Variants in ANAPC10 observed in about 807,000 individuals in gnomAD.
The protein encoded by ANAPC10 is anaphase promoting complex subunit 10.
A neutral mutation model predicts 22.0 loss-of-function variants in ANAPC10; 12 were observed. The ratio of observed to expected loss-of-function variants is 0.55; its 90% confidence interval spans 0.35 to 0.88. The LOEUF is 0.88. ANAPC10 is among the 40% of genes least tolerant of loss of function. The pLI is 0.01. For missense variants in ANAPC10, 188 were observed against 220.9 expected (o/e 0.85, Z 0.94); for synonymous variants, 65 against 69.5 (o/e 0.94, Z 0.32).
At chr4:145,064,403 GAAC>G (rs1743370076) in intron 4 of ANAPC10, 166 bp downstream of exon 4, 1 of 442,472 alleles carries the variant, frequency 2.3e-6, no homozygotes, top group Non-Finnish European at 3.9e-6. Flanking sequence ...AAAATAAAGA[GAAC>G]AATCAGAATT....
rs145894020 is a variant in ANAPC10, at chr4:144,996,406, G to A, written c.328-803C>T. ...CTAGATACTGGAGATCTAGAGACAC[G>A]GCTGCTGCTGCTGTGCTGGTCTAAG... On this transcript the variant is annotated intron_variant, in intron 4 of 4. Transcript: ENST00000507656. 3.3e-5 allele frequency among the ~76,000 whole-genome samples: 5 copies of A among 152,224 alleles called. No homozygotes were observed. The East Asian group carries it at 5.8e-4, about 18-fold the overall frequency.
At chr4:144,996,001 GTAGA>G (rs1309079853) in intron 4 of ANAPC10, among the ~76,000 whole-genome samples, 8 of 152,174 alleles carry the variant, frequency 5.3e-5, no homozygotes, top group African/African-American at 1.9e-4. Flanking sequence ...AGAATACTAA[GTAGA>G]TACTCATATT....
chr4:145,049,524 C>T (rs965910630), intron 4 of ANAPC10, among the ~76,000 whole-genome samples: 1 of 152,180 alleles, frequency 6.6e-6, no homozygotes, highest in Non-Finnish European at 1.5e-5. Context: ...AGCAACTCTT[C>T]ACCTGTTCAA....
intron 4 of ANAPC10, among the ~76,000 whole-genome samples, chr4:145,011,332 C>CT (rs1259039569): frequency 3.0e-5 from 2 of 66,672 alleles, no homozygotes; most frequent in East Asian, 1.1e-3. Flanking sequence ...ATGAGACTGT[C>CT]TTAAAAAATA....
intron 4 of ANAPC10, among the ~76,000 whole-genome samples, chr4:145,013,031 TGCCTG>T (rs1419606738): frequency 6.6e-6 from 1 of 152,158 alleles, no homozygotes; most frequent in Non-Finnish European, 1.5e-5. Context: ...ATGTAAAATG[TGCCTG>T]CTTCCCTTTT....
At chr4:145,082,492 T>C (rs541875630) in intron 2 of ANAPC10, among the ~76,000 whole-genome samples, 1 of 152,216 alleles carries the variant, frequency 6.6e-6, no homozygotes, top group Admixed American at 6.5e-5. Flanking sequence ...CAGTTTCTTG[T>C]GCTTTTTGCA....
At chr4:144,997,426 C>A (rs1731791584) in intron 4 of ANAPC10, among the ~76,000 whole-genome samples, 1 of 152,106 alleles carries the variant, frequency 6.6e-6, no homozygotes, top group Non-Finnish European at 1.5e-5. Flanking sequence ...GAGTGGGGGC[C>A]AATATTCAAC....
chr4:145,053,789 A>C (rs1345275118), intron 4 of ANAPC10: 1 of 654,588 alleles, frequency 1.5e-6, no homozygotes, highest in South Asian at 1.7e-5. Flanking sequence ...GGCTGAAAAA[A>C]AAAAAAGGTT....
intron 4 of ANAPC10, among the ~76,000 whole-genome samples, chr4:145,028,809 C>G (rs927063143): frequency 3.9e-5 from 6 of 152,142 alleles, no homozygotes; most frequent in African/African-American, 1.4e-4. Flanking sequence ...AACCAAGGAA[C>G]ATAATGAAGC....
intron 2 of ANAPC10, 128 bp from the exon 3 acceptor site, chr4:145,081,878 T>A (rs778587349): frequency 2.0e-4 from 140 of 709,894 alleles, no homozygotes; most frequent in Non-Finnish European, 2.3e-4. Flanking sequence ...ATTAATTTTT[T>A]TTTATTTATT....
At chr4:145,092,979 G>A (rs891373271) in intron 2 of ANAPC10, among the ~76,000 whole-genome samples, 1 of 152,188 alleles carries the variant, frequency 6.6e-6, no homozygotes, top group African/African-American at 2.4e-5. Flanking sequence ...AGGCTGTCAT[G>A]AACAGCAGGG....
rs902061206 is a variant in ANAPC10, at chr4:145,052,853, A to G, written c.327+11719T>C. Among the ~76,000 whole-genome samples, 3 of 147,414 alleles carry G rather than the reference A, an allele frequency of 2.0e-5. No homozygotes were observed. The Admixed American group carries it at 2.1e-4, about 10-fold the overall frequency. Reference sequence around the variant, plus strand: ...CAGTGAGCCGAGATTGCACCACTGCACTCCTGCCTGGGCAACAGAGCGAGA... The same window carrying G: ...CAGTGAGCCGAGATTGCACCACTGCGCTCCTGCCTGGGCAACAGAGCGAGA... On this transcript the variant is annotated intron_variant, in intron 4 of 4. Transcript: ENST00000507656.
chr4:145,001,753 C>T (rs892710556), intron 4 of ANAPC10, among the ~76,000 whole-genome samples: 12 of 152,232 alleles, frequency 7.9e-5, no homozygotes, highest in African/African-American at 2.6e-4. Flanking sequence ...TAGAGTTTCT[C>T]TATGAAGACA....
chr4:145,096,582 A>AT (rs1748561158), intron 1 of ANAPC10, among the ~76,000 whole-genome samples: 1 of 152,140 alleles, frequency 6.6e-6, no homozygotes, highest in South Asian at 2.1e-4. Context: ...TCACTTGATG[A>AT]TTTTTACTTC....
At chr4:145,096,151 T>C (rs781409737) in intron 1 of ANAPC10, 40 bp from the exon 2 acceptor site, 10 of 1,582,650 alleles carry the variant, frequency 6.3e-6, no homozygotes, top group East Asian at 4.5e-5. Flanking sequence ...TATCAGGAAC[T>C]GGGCATCTTT....
At chr4:145,014,243 G>A (rs774934892) in intron 4 of ANAPC10, among the ~76,000 whole-genome samples, 14 of 152,080 alleles carry the variant, frequency 9.2e-5, no homozygotes, top group Non-Finnish European at 1.8e-4. Context: ...AGTGCTGTTG[G>A]TGGGGGGCAC....
At chr4:145,095,159 G>A (rs188453450) in intron 2 of ANAPC10, among the ~76,000 whole-genome samples, 2 of 152,194 alleles carry the variant, frequency 1.3e-5, no homozygotes, top group Non-Finnish European at 2.9e-5. Context: ...CTAAACAAAA[G>A]GAATATTAAA....
chr4:145,017,900 T>A (rs1374660907), intron 4 of ANAPC10, among the ~76,000 whole-genome samples: 1 of 140,560 alleles, frequency 7.1e-6, no homozygotes, highest in African/African-American at 2.7e-5. Flanking sequence ...TTCTCACTGA[T>A]AGCTGGGAAC....
chr4:145,033,468 GAGTTAC>G (rs1264005391), intron 4 of ANAPC10: 2 of 152,248 alleles, frequency 1.3e-5, no homozygotes, highest in Non-Finnish European at 2.9e-5. Context: ...GCTAAAAAGG[GAGTTAC>G]AGTGTTGGCT....
Sources: allele counts gnomAD v4.1 joint callset (sites outside exome capture counted in the v4.1 genomes callset), GRCh38; gene constraint gnomAD v4.1.1; transcripts MANE v1.5; gene names NCBI Gene and HGNC (gene_info 2026-07-23, HGNC 2026-07-21).